ARHGAP12: variants seen among roughly 807,000 people sequenced by gnomAD.
The protein encoded by ARHGAP12 is rho GTPase-activating protein 12.
Under a neutral mutation model 108.6 loss-of-function variants are expected in ARHGAP12, and 64 were observed. The observed-to-expected ratio is 0.59, with a 90% CI of 0.48 to 0.73. The LOEUF is 0.73. Among genes scored for constraint, ARHGAP12 ranks in the 30% least tolerant of loss-of-function variants. The pLI, the probability that ARHGAP12 is intolerant of heterozygous loss-of-function variation, is 0.00. For missense variants in ARHGAP12, 940 were observed against 1,005.9 expected, an observed-to-expected ratio of 0.93 and a Z score of 0.89; for synonymous variants, 312 against 337.2, an observed-to-expected ratio of 0.93 and a Z score of 0.82.
intron 1 of ARHGAP12, among the ~76,000 whole-genome samples, chr10:31,922,643 T>TA (rs1839870929): frequency 6.6e-6 from 1 of 152,132 alleles, no homozygotes; most frequent in Non-Finnish European, 1.5e-5. Flanking sequence ...CTCCTATATC[T>TA]ATTAAATAAA....
chr10:31,871,452 C>T (rs979337095), intron 3 of ARHGAP12, among the ~76,000 whole-genome samples: 1 of 152,106 alleles, frequency 6.6e-6, no homozygotes. Context: ...TGTCACCTTA[C>T]GGCTTGCTTC....
Position 31,908,835 on chromosome 10 carries a change from A to C in ARHGAP12, c.21T>G (p.Ser7Arg). 1 of 1,593,798 alleles carries C rather than the reference A, an allele frequency of 6.3e-7. No homozygotes were observed. Among genetic ancestry groups the C allele is most frequent in the South Asian group, 1.1e-5 (1 of 89,570 alleles). Reference protein sequence around the residue: MKMADRSGKIIPGQVYI... With the variant: MKMADRRGKIIPGQVYI... ...ACACTTGTCCTGGAATAATCTTCCC[A>C]CTTCTGTCAGCCATTTTCATTCAAT... The change falls in exon 3 of 20, where the codon AGT becomes AGG. Residue 7 changes from serine (S) to arginine (R), a missense_variant. By Grantham distance (110) the Ser-to-Arg change is moderately radical (BLOSUM62 -1). Transcript: ENST00000344936.
At chr10:31,911,931 C>A (rs1372748636) in intron 1 of ARHGAP12, among the ~76,000 whole-genome samples, 1 of 152,160 alleles carries the variant, frequency 6.6e-6, no homozygotes, top group Non-Finnish European at 1.5e-5. Context: ...TACATAATAA[C>A]CAAATCTACT....
intron 4 of ARHGAP12, among the ~76,000 whole-genome samples, chr10:31,859,254 T>C (rs999236757): frequency 1.3e-5 from 2 of 152,072 alleles, no homozygotes; most frequent in Admixed American, 6.6e-5. Flanking sequence ...TTACCGTGTA[T>C]AGGCAAGAGA....
In ARHGAP12 at chr10:31,893,062, GAC is replaced by G. The variant is rs1300985915; in HGVS notation, c.684+15108_684+15109del. Among the ~76,000 whole-genome samples, 8 of 152,266 alleles carry G rather than the reference GAC, an allele frequency of 5.3e-5. No homozygotes were observed. In the East Asian group the frequency reaches 1.2e-3, roughly 22 times the overall value. On this transcript the variant is annotated intron_variant, in intron 3 of 19. Transcript: ENST00000344936. ...GTTCTTTGAAACCAACAAGAACAAA[GAC>G]ACAACATACCAGAATCTCTGGGACA...
rs1838054848 is a variant in ARHGAP12 at position 31,883,270 on chromosome 10, G to A, written c.685-21612C>T. 1.3e-5 allele frequency among the ~76,000 whole-genome samples: 2 copies of A among 152,036 alleles called. 1 individual carries two copies. The highest frequency in any genetic ancestry group is 4.1e-4 in the South Asian group (2 of 4,832). ...AGATTGCGCCATTGCACTCCAGCCT[G>A]GGCAACAAGAGCAAAACTCCATTTC... is the stretch of plus-strand genomic sequence containing the variant. On this transcript the variant is annotated intron_variant, in intron 3 of 19. Coordinates refer to ENST00000344936, the MANE Select transcript of ARHGAP12 (RefSeq NM_018287.7).
At chr10:31,894,870 A>T (rs1437043291) in intron 3 of ARHGAP12, among the ~76,000 whole-genome samples, 2 of 152,214 alleles carry the variant, frequency 1.3e-5, no homozygotes, top group African/African-American at 2.4e-5. Flanking sequence ...TACAGTAACC[A>T]AAACAGCATG....
chr10:31,832,391 T>C (rs1835865372), intron 9 of ARHGAP12, among the ~76,000 whole-genome samples: 1 of 152,210 alleles, frequency 6.6e-6, no homozygotes, highest in South Asian at 2.1e-4. Context: ...CTAGACAAAC[T>C]AGATTTATTA....
intron 3 of ARHGAP12, among the ~76,000 whole-genome samples, chr10:31,871,261 C>T (rs1487781443): frequency 6.6e-6 from 1 of 152,138 alleles, no homozygotes; most frequent in Non-Finnish European, 1.5e-5. Flanking sequence ...TAAGGAAACA[C>T]TACTGATAAC....
Position 31,854,185 on chromosome 10 carries a change from A to G in ARHGAP12, c.970T>C (p.Tyr324His), listed in dbSNP as rs573298311. 9.1e-5 allele frequency: 146 copies of G among 1,607,450 alleles called. No individual in the cohort carries two copies. Among genetic ancestry groups the G allele is most frequent in the Non-Finnish European group, 1.2e-4 (140 of 1,178,338 alleles). ...DQELLSSEEN[Y>H]YSTSYSQSDS... ...GACTGGCTGTAAGAAGTGCTGTAGTAGTTTTCTTCCGATGAAAGAAGCTAC... is the reference window on the plus strand; with the variant it reads ...GACTGGCTGTAAGAAGTGCTGTAGTGGTTTTCTTCCGATGAAAGAAGCTAC... The change falls in exon 5 of 20, where the codon TAC becomes CAC. Residue 324 changes from tyrosine to histidine, a missense_variant. Coordinates refer to ENST00000344936, the MANE Select transcript of ARHGAP12 (RefSeq NM_018287.7).
chr10:31,916,817 A>G (rs953106995), intron 1 of ARHGAP12, among the ~76,000 whole-genome samples: 2 of 151,860 alleles, frequency 1.3e-5, no homozygotes, highest in Non-Finnish European at 2.9e-5. Flanking sequence ...GGGTTTCACC[A>G]TGTTGGCCAG....
rs1450251153 is a variant in ARHGAP12, at chr10:31,805,571, C to T, written c.*2087G>A. 2 of 151,074 alleles carry T rather than the reference C, an allele frequency of 1.3e-5. No homozygotes were observed. The highest frequency in any genetic ancestry group is 2.4e-5 in the African/African-American group (1 of 41,004). 9.4% of individuals were successfully genotyped at this position (151,074 alleles called of 1,614,324 possible). On this transcript the variant is annotated 3_prime_UTR_variant, in exon 20 of 20. Transcript: ENST00000344936. ...ATTTTTAATTCACAAAGGATGAAAA[C>T]GCAAGACATTAATCTCACTGTACAT...
chr10:31,819,477 G>A (rs1050831462), intron 12 of ARHGAP12, among the ~76,000 whole-genome samples: 41 of 152,180 alleles, frequency 2.7e-4, no homozygotes, highest in African/African-American at 8.9e-4. Context: ...TCTGTCAATA[G>A]GCTGCCTCTC....
intron 3 of ARHGAP12, among the ~76,000 whole-genome samples, chr10:31,862,008 G>GA (rs1271708976): frequency 1.1e-4 from 16 of 152,268 alleles, no homozygotes; most frequent in African/African-American, 3.6e-4. Flanking sequence ...TTTATCTCAA[G>GA]AAATGAGGGA....
In ARHGAP12 at chr10:31,807,774, CA is replaced by C; in HGVS notation, c.2424del (p.Phe808LeufsTer6). Reference sequence around the variant, plus strand: ...TTTTCTGGTTTTAATAGAGTGGGACCAAAAACAATTGCTATACTCTGATAGG... The same window carrying C: ...TTTTCTGGTTTTAATAGAGTGGGACCAAAACAATTGCTATACTCTGATAGG... Reference protein sequence around the residue: ...RMTYQSIAIVFGPTLLKPEKE... With the variant: ...RMTYQSIAIVXGPTLLKPEKE... On this transcript the variant is annotated frameshift_variant, in exon 20 of 20. Coordinates refer to ENST00000344936, the MANE Select transcript of ARHGAP12 (RefSeq NM_018287.7). LOFTEE classifies it high-confidence loss of function. The C allele has an allele frequency of 1.2e-6, 2 of 1,604,074 alleles. No individual in the cohort carries two copies. Among genetic ancestry groups the C allele is most frequent in the South Asian group, 1.1e-5 (1 of 89,248 alleles).
chr10:31,817,944 A>T (rs1835269401), intron 12 of ARHGAP12, 58 bp from the exon 13 acceptor site: 3 of 1,218,196 alleles, frequency 2.5e-6, no homozygotes, highest in Non-Finnish European at 3.6e-6. Context: ...TCAGCAAAAT[A>T]CATGAATACC....
intron 3 of ARHGAP12, among the ~76,000 whole-genome samples, chr10:31,876,018 G>A (rs1357872128): frequency 1.3e-5 from 2 of 151,952 alleles, no homozygotes; most frequent in African/African-American, 4.8e-5. Flanking sequence ...GTGTGTGTCT[G>A]TGTATTTATT....
intron 9 of ARHGAP12, among the ~76,000 whole-genome samples, chr10:31,836,935 C>T (rs918282864): frequency 3.3e-5 from 5 of 151,880 alleles, no homozygotes; most frequent in African/African-American, 1.2e-4. Context: ...TTGTTTTTTT[C>T]ACCTAAAGGT....
rs75264934 is a variant in ARHGAP12, at chr10:31,812,576, A to G, written c.1951+131T>C. ...TATTTTAATTACTTAATGTCTTTTA[A>G]TCACTGTACTTGAATACATGAATAA... On this transcript the variant is annotated intron_variant, in intron 15 of 19. Transcript: ENST00000344936. 4,885 of 582,930 alleles carry G rather than the reference A, an allele frequency of 8.4e-3. 196 individuals carry two copies. Among genetic ancestry groups the G allele is most frequent in the African/African-American group, 0.08 (4,199 of 52,172 alleles). The allele number at this position is 582,930 out of a possible 1,614,324, so 36.1% of individuals were successfully genotyped here.
Sources: gnomAD v4.1 joint callset for allele counts (sites outside exome capture counted in the v4.1 genomes callset) on GRCh38, gnomAD v4.1.1 for gene constraint, MANE v1.5 for transcripts, NCBI Gene and HGNC (gene_info 2026-07-23, HGNC 2026-07-21) for gene names.